SETBP1: variants seen among roughly 807,000 people sequenced by gnomAD.
The protein encoded by SETBP1 is SET-binding protein.
A neutral mutation model predicts 101.0 loss-of-function variants in SETBP1; 9 were observed. The observed-to-expected ratio is 0.09, with a 90% CI of 0.05 to 0.16. The LOEUF is 0.16. Ranked by LOEUF, SETBP1 falls within the 10% of genes least tolerant of loss-of-function variation. The probability of loss-of-function intolerance (pLI) is 1.00; values close to 1 mark genes in which losing one functional copy is unlikely to be tolerated. For missense variants in SETBP1, 1,858 were observed against 2,033.8 expected, an observed-to-expected ratio of 0.91 and a Z score of 1.66; for synonymous variants, 818 against 788.5, an observed-to-expected ratio of 1.04 and a Z score of -0.63.
chr18:44,721,172 G>T (rs928475319), intron 2 of SETBP1, among the ~76,000 whole-genome samples: 1 of 152,072 alleles, frequency 6.6e-6, no homozygotes, highest in African/African-American at 2.4e-5. Flanking sequence ...GTGTTTTTTT[G>T]AAGAAGTAAT....
At chr18:44,751,610 C>T (rs1030460425) in intron 2 of SETBP1, among the ~76,000 whole-genome samples, 5 of 152,030 alleles carry the variant, frequency 3.3e-5, no homozygotes, top group African/African-American at 1.2e-4. Context: ...TCATTCATAT[C>T]TTCTCTCTTT....
intron 3 of SETBP1, among the ~76,000 whole-genome samples, chr18:44,874,422 G>T (rs554081532): frequency 8.5e-5 from 13 of 152,166 alleles, no homozygotes; most frequent in African/African-American, 1.7e-4. Context: ...ATAGATGAAG[G>T]TTCCTCAATG....
chr18:44,932,098 T>C (rs1339388470), intron 3 of SETBP1, among the ~76,000 whole-genome samples: 1 of 152,332 alleles, frequency 6.6e-6, no homozygotes, highest in Non-Finnish European at 1.5e-5. Context: ...TTTCCATGTT[T>C]AGTGCTTCCT....
At chr18:45,060,533 T>G (rs1296815080) in intron 5 of SETBP1, among the ~76,000 whole-genome samples, 1 of 152,128 alleles carries the variant, frequency 6.6e-6, no homozygotes, top group African/African-American at 2.4e-5. Context: ...TAATGTTTTC[T>G]TATTAAAAAA....
chr18:44,741,422 G>A (rs925722048), intron 2 of SETBP1, among the ~76,000 whole-genome samples: 1 of 152,156 alleles, frequency 6.6e-6, no homozygotes, highest in Non-Finnish European at 1.5e-5. Flanking sequence ...TACAACTAGA[G>A]TCCTAAGAGA....
chr18:44,804,414 T>G (rs2071682554), intron 2 of SETBP1, among the ~76,000 whole-genome samples: 2 of 152,108 alleles, frequency 1.3e-5, no homozygotes, highest in Non-Finnish European at 2.9e-5. Context: ...ATATGAATTT[T>G]TGTAAACTGT....
At chr18:44,867,559 G>T (rs1568189521) in intron 2 of SETBP1, among the ~76,000 whole-genome samples, 1 of 152,186 alleles carries the variant, frequency 6.6e-6, no homozygotes, top group African/African-American at 2.4e-5. Context: ...TTCCTTTAAG[G>T]CAGGGACAAA....
rs2071342470 is a variant in SETBP1 at position 44,951,242 on chromosome 18, G to C, written c.1902G>C (p.Gln634His). The C allele has an allele frequency of 1.9e-6, 3 of 1,614,048 alleles. No individual in the cohort carries two copies. Among genetic ancestry groups the C allele is most frequent in the Non-Finnish European group, 8.5e-7 (1 of 1,180,042 alleles). The change falls in exon 4 of 6, where the codon CAG becomes CAC. Residue 634 changes from glutamine (Q) to histidine (H), a missense_variant. Gln to His is a conservative substitution (Grantham distance 24). Around this residue, in one of 12 missense-constraint regions of SETBP1, gnomAD observed 111 missense variants for 119.3 expected, o/e 0.93. Coordinates refer to ENST00000649279, the MANE Select transcript of SETBP1 (RefSeq NM_015559.3). This position sits in a 1 kb window ranked among gnomAD's most constrained non-coding sequence, Gnocchi z 7.8. ...GACGCAATTTAGCGAAGTTGGCCCA[G>C]CTAGTGCCGGGAGAGGACAAACCCA... ...KRRRNLAKLA[Q>H]LVPGEDKPMS...
chr18:44,880,961 T>C (rs2069518346), intron 3 of SETBP1, among the ~76,000 whole-genome samples: 1 of 152,202 alleles, frequency 6.6e-6, no homozygotes, highest in Non-Finnish European at 1.5e-5. Flanking sequence ...AAAAAGTAGA[T>C]GCTCAATCAA....
chr18:45,044,973 C>T (rs1193208268), intron 5 of SETBP1, among the ~76,000 whole-genome samples: 1 of 152,182 alleles, frequency 6.6e-6, no homozygotes, highest in Non-Finnish European at 1.5e-5. Flanking sequence ...GGGCAAAAGT[C>T]CACAAGTTAA....
intron 3 of SETBP1, among the ~76,000 whole-genome samples, chr18:44,905,045 T>G (rs1393005407): frequency 2.6e-5 from 4 of 152,220 alleles, no homozygotes; most frequent in African/African-American, 9.6e-5. Flanking sequence ...GACCTCAAAA[T>G]GCAACAGATC....
In SETBP1 at chr18:45,021,700, AGAGG is replaced by A. The variant is rs1224779579; in HGVS notation, c.4001-16779_4001-16776del. On this transcript the variant is annotated intron_variant, in intron 4 of 5. Transcript: ENST00000649279. ...CACATTTGCAGAATACATACACTAG[AGAGG>A]GAGGGTCTTATTTTCTTGAAAACAT... Among the ~76,000 whole-genome samples the A allele has an allele frequency of 3.3e-5, 5 of 152,194 alleles. 1 individual carries two copies. Among genetic ancestry groups the A allele is most frequent in the Admixed American group, 3.3e-4 (5 of 15,282 alleles).
intron 3 of SETBP1, among the ~76,000 whole-genome samples, chr18:44,905,021 A>G (rs1170465859): frequency 6.6e-6 from 1 of 152,214 alleles, no homozygotes; most frequent in Non-Finnish European, 1.5e-5. Context: ...AACCTCCGAC[A>G]GGAAGTTTTA....
chr18:44,779,485 G>A (rs1483154916), intron 2 of SETBP1, among the ~76,000 whole-genome samples: 1 of 152,188 alleles, frequency 6.6e-6, no homozygotes, highest in African/African-American at 2.4e-5. Flanking sequence ...TTCCTTTTGT[G>A]GCTAGGGTGA....
At chr18:44,857,002 A>T (rs1170483427) in intron 2 of SETBP1, among the ~76,000 whole-genome samples, 1 of 152,218 alleles carries the variant, frequency 6.6e-6, no homozygotes, top group Non-Finnish European at 1.5e-5. Flanking sequence ...CTCTTTATCA[A>T]AAGAGCTGAG....
At chr18:45,052,801 G>A (rs932195039) in intron 5 of SETBP1, among the ~76,000 whole-genome samples, 3 of 152,102 alleles carry the variant, frequency 2.0e-5, no homozygotes, top group Non-Finnish European at 4.4e-5. Context: ...TGATAGCATG[G>A]CTTTTAGTCA....
chr18:45,000,153 T>A (rs2072587737), intron 4 of SETBP1, among the ~76,000 whole-genome samples: 1 of 152,242 alleles, frequency 6.6e-6, no homozygotes, highest in East Asian at 1.9e-4. Context: ...AGGGATATGA[T>A]TTGGCATAAA....
rs559473390 is a variant in SETBP1 at position 44,745,027 on chromosome 18, G to C, written c.486+43195G>C. On this transcript the variant is annotated intron_variant, in intron 2 of 5. Transcript: ENST00000649279. ...GCTGCAAGCTGGGCCTCCCTTTGTT[G>C]TGGGGGCCTCATTGAGCCCACGGAA... Among the ~76,000 whole-genome samples the C allele has an allele frequency of 9.9e-5, 15 of 152,176 alleles. No homozygotes were observed. The South Asian group carries it at 2.5e-3, about 25-fold the overall frequency.
intron 2 of SETBP1, among the ~76,000 whole-genome samples, chr18:44,828,688 C>T (rs1225031230): frequency 6.6e-6 from 1 of 152,170 alleles, no homozygotes; most frequent in African/African-American, 2.4e-5. Context: ...TTCCCTTCCA[C>T]CCAAATGTAG....
Sources: gnomAD v4.1 joint callset for allele counts (sites outside exome capture counted in the v4.1 genomes callset) on GRCh38, gnomAD v4.1.1 for gene constraint, gnomAD v4.1.1 regional missense constraint, Gnocchi (gnomAD v3.1) non-coding constraint, MANE v1.5 for transcripts, NCBI Gene and HGNC (gene_info 2026-07-23, HGNC 2026-07-21) for gene names.